Variants in CSTPP1 observed in about 807,000 individuals in gnomAD.
CSTPP1 encodes UPF0705 protein C11orf49.
the CSTPP1 span, among the ~76,000 whole-genome samples, chr11:46,992,519 C>T: frequency 6.6e-6 from 1 of 151,654 alleles, no homozygotes; most frequent in Non-Finnish European, 1.5e-5. Flanking sequence ...ACAGTTTGCT[C>T]AGAGTGATGG....
At chr11:46,956,776 G>C in the CSTPP1 span, among the ~76,000 whole-genome samples, 1 of 151,786 alleles carries the variant, frequency 6.6e-6, no homozygotes, top group South Asian at 2.1e-4. Flanking sequence ...TAGAAGATGA[G>C]GATTTAGGTC....
At chr11:47,147,153 C>T in the CSTPP1 span, among the ~76,000 whole-genome samples, 2 of 152,124 alleles carry the variant, frequency 1.3e-5, no homozygotes, top group African/African-American at 2.4e-5. Context: ...GATAGTAAGA[C>T]GTTATGGTCT....
chr11:46,976,262 C>T, the CSTPP1 span, among the ~76,000 whole-genome samples: 3 of 152,196 alleles, frequency 2.0e-5, no homozygotes, highest in East Asian at 5.8e-4. Flanking sequence ...TGTAAGCTAA[C>T]AAAGCCACTT....
chr11:47,102,520 A>G, the CSTPP1 span, among the ~76,000 whole-genome samples: 1 of 152,072 alleles, frequency 6.6e-6, no homozygotes, highest in Non-Finnish European at 1.5e-5. Context: ...ATGGTTTGTG[A>G]CCCTTAAAAA....
At chr11:47,112,601 C>T in the CSTPP1 span, among the ~76,000 whole-genome samples, 5 of 152,160 alleles carry the variant, frequency 3.3e-5, no homozygotes, top group African/African-American at 9.7e-5. Flanking sequence ...GGACTACAGG[C>T]GTGAGCTGCT....
At chr11:47,108,512 T>TC in the CSTPP1 span, among the ~76,000 whole-genome samples, 1 of 152,128 alleles carries the variant, frequency 6.6e-6, no homozygotes, top group African/African-American at 2.4e-5. Context: ...CTTTTTTTTT[T>TC]CTTTTTTGAT....
chr11:47,137,732 A>ACGT, the CSTPP1 span: 8 of 1,613,870 alleles, frequency 5.0e-6, no homozygotes, highest in South Asian at 4.4e-5. Flanking sequence ...GCAGCCAGGT[A>ACGT]CGTCTCCTGG....
the CSTPP1 span, among the ~76,000 whole-genome samples, chr11:47,060,258 C>CTTTTTTTTTTTTTTTTTTTTTT: frequency 4.0e-5 from 4 of 99,018 alleles, no homozygotes; most frequent in African/African-American, 4.0e-5. Context: ...CTTTTCTTTT[C>CTTTTTTTTTTTTTTTTTTTTTT]TTTTTTTTTT....
the CSTPP1 span, chr11:47,052,765 A>G: frequency 4.6e-5 from 17 of 366,176 alleles, no homozygotes; most frequent in Admixed American, 3.6e-4. Flanking sequence ...AATGGTACCT[A>G]TTAAGAGCCA....
At chr11:47,052,729 ATATTAC>A in the CSTPP1 span, 1 of 545,314 alleles carries the variant, frequency 1.8e-6, no homozygotes, top group African/African-American at 1.9e-5. Flanking sequence ...TATGTCAAAG[ATATTAC>A]TATTACCACT....
At chr11:47,137,236 T>C in the CSTPP1 span, 9 of 1,263,818 alleles carry the variant, frequency 7.1e-6, no homozygotes, top group Non-Finnish European at 9.3e-6. Context: ...TGGATGGTCT[T>C]TGGGCATGTG....
the CSTPP1 span, among the ~76,000 whole-genome samples, chr11:47,085,126 C>A: frequency 1.3e-5 from 2 of 152,098 alleles, no homozygotes; most frequent in Non-Finnish European, 2.9e-5. Context: ...ATTGCTTGAA[C>A]CCGAGAGGCA....
the CSTPP1 span, chr11:47,156,930 G>T: frequency 7.4e-7 from 1 of 1,352,316 alleles, no homozygotes; most frequent in Non-Finnish European, 1.0e-6. Context: ...TGTGGAACTG[G>T]GCTGACAGAG....
the CSTPP1 span, among the ~76,000 whole-genome samples, chr11:47,114,458 C>T: frequency 6.6e-6 from 1 of 151,490 alleles, no homozygotes; most frequent in African/African-American, 2.4e-5. Context: ...ATTTTCTATC[C>T]ATGAGCATGG....
At chr11:46,938,125 C>T in the CSTPP1 span, among the ~76,000 whole-genome samples, 16 of 151,886 alleles carry the variant, frequency 1.1e-4, no homozygotes, top group Admixed American at 8.5e-4. Context: ...CCGCCCACCT[C>T]GGCCTCCCAA....
chr11:47,120,955 TTTG>T, the CSTPP1 span, among the ~76,000 whole-genome samples: 2 of 152,348 alleles, frequency 1.3e-5, no homozygotes, highest in South Asian at 4.1e-4. This position sits in a 1 kb window ranked among gnomAD's most constrained non-coding sequence, Gnocchi z 4.2. Context: ...GGTTACATTT[TTTG>T]TTGTTTTTAA....
chr11:47,157,872 A>G, the CSTPP1 span: 7 of 1,614,006 alleles, frequency 4.3e-6, no homozygotes, highest in South Asian at 1.1e-5. Flanking sequence ...CTGACCTTCT[A>G]TGGATTCCTC....
chr11:47,129,838 T>G, the CSTPP1 span, among the ~76,000 whole-genome samples: 1 of 152,246 alleles, frequency 6.6e-6, no homozygotes. Context: ...TTGTTCATTT[T>G]AAACGTTGCC....
the CSTPP1 span, among the ~76,000 whole-genome samples, chr11:47,127,994 A>T: frequency 2.0e-5 from 3 of 151,944 alleles, no homozygotes; most frequent in South Asian, 6.2e-4. Flanking sequence ...CTCCTGCTTC[A>T]GCCTCCTAAG....
Sources: gnomAD v4.1 joint callset for allele counts (sites outside exome capture counted in the v4.1 genomes callset) on GRCh38, gnomAD v4.1.1 for gene constraint, Gnocchi (gnomAD v3.1) non-coding constraint, MANE v1.5 for transcripts, NCBI Gene and HGNC (gene_info 2026-07-23, HGNC 2026-07-21) for gene names.